Variants in LTAP1 observed in about 807,000 individuals in gnomAD.
LTAP1 encodes the protein HCV NS5A-transactivated protein 4.
At chr1:154,207,408 T>C in the LTAP1 span, 6 of 1,595,480 alleles carry the variant, frequency 3.8e-6, no homozygotes, top group Non-Finnish European at 4.3e-6. Context: ...GTCTTGCACA[T>C]TGCAACTGAC....
chr1:154,215,359 G>A, the LTAP1 span, among the ~76,000 whole-genome samples: 1 of 152,044 alleles, frequency 6.6e-6, no homozygotes, highest in Non-Finnish European at 1.5e-5. Flanking sequence ...AAGGTCAGGA[G>A]ATCGAGACCA....
chr1:154,207,718 C>G, the LTAP1 span: 1 of 1,272,866 alleles, frequency 7.9e-7, no homozygotes, highest in South Asian at 1.4e-5. Context: ...TTATCCCAGG[C>G]CATAAATGCA....
At chr1:154,220,469 G>A in the LTAP1 span, 4 of 1,604,346 alleles carry the variant, frequency 2.5e-6, no homozygotes, top group South Asian at 2.2e-5. Context: ...GGTCAGCCCA[G>A]GCTCCGCCGA....
At chr1:154,207,775 A>G in the LTAP1 span, 6 of 799,528 alleles carry the variant, frequency 7.5e-6, no homozygotes, top group African/African-American at 1.1e-4. Flanking sequence ...CCTATTTTGT[A>G]AACTAGTTAC....
At chr1:154,207,203 T>C in the LTAP1 span, 170,569 of 385,854 alleles carry the variant, frequency 0.44, 39,593 homozygotes, top group South Asian at 0.6. Context: ...GAATAACACC[T>C]GAATGCAAAT....
chr1:154,210,918 C>T, the LTAP1 span, among the ~76,000 whole-genome samples: 1 of 152,188 alleles, frequency 6.6e-6, no homozygotes, highest in Admixed American at 6.6e-5. Flanking sequence ...GACACAAATG[C>T]TCAACAGCTG....
chr1:154,219,848 G>A, the LTAP1 span: 1 of 1,607,234 alleles, frequency 6.2e-7, no homozygotes. Context: ...TGGGGGCATT[G>A]TGTCCCACAG....
At chr1:154,212,613 G>A in the LTAP1 span, 4 of 1,614,104 alleles carry the variant, frequency 2.5e-6, no homozygotes, top group Non-Finnish European at 1.7e-6. Flanking sequence ...CCTTCAGAAT[G>A]AAATGGGATC....
At chr1:154,216,231 C>T in the LTAP1 span, among the ~76,000 whole-genome samples, 2 of 152,188 alleles carry the variant, frequency 1.3e-5, no homozygotes, top group African/African-American at 4.8e-5. Context: ...CACTTCTTCA[C>T]TGTTTTATCG....
At chr1:154,216,827 T>TA in the LTAP1 span, among the ~76,000 whole-genome samples, 1 of 149,566 alleles carries the variant, frequency 6.7e-6, no homozygotes, top group African/African-American at 2.5e-5. Context: ...TTTTAAACTT[T>TA]TTATAGAGAC....
the LTAP1 span, among the ~76,000 whole-genome samples, chr1:154,210,530 T>C: frequency 6.6e-6 from 1 of 151,900 alleles, no homozygotes; most frequent in African/African-American, 2.4e-5. Context: ...TAGGCTGGAG[T>C]GGAATGGCAC....
At chr1:154,216,617 T>C in the LTAP1 span, among the ~76,000 whole-genome samples, 1 of 151,952 alleles carries the variant, frequency 6.6e-6, no homozygotes, top group African/African-American at 2.4e-5. Context: ...GCAATTCTCC[T>C]TGCCCTCCTG....
At chr1:154,219,574 A>T in the LTAP1 span, among the ~76,000 whole-genome samples, 1 of 152,230 alleles carries the variant, frequency 6.6e-6, no homozygotes, top group South Asian at 2.1e-4. Flanking sequence ...ATTTTACTAC[A>T]AACAGTTGGG....
the LTAP1 span, chr1:154,214,467 C>T: frequency 4.3e-6 from 7 of 1,610,718 alleles, no homozygotes; most frequent in Non-Finnish European, 5.9e-6. Context: ...TTTGATTTCC[C>T]TGGGTTTCCA....
At chr1:154,212,149 G>T in the LTAP1 span, 1 of 744,382 alleles carries the variant, frequency 1.3e-6, no homozygotes. Flanking sequence ...GAACCACTGT[G>T]CCCGGCCGCA....
chr1:154,214,435 A>C, the LTAP1 span: 1 of 1,511,614 alleles, frequency 6.6e-7, no homozygotes, highest in Non-Finnish European at 9.2e-7. Flanking sequence ...TCACTGAAGC[A>C]TTCCAAGAGC....
At chr1:154,220,053 G>C in the LTAP1 span, 3 of 996,322 alleles carry the variant, frequency 3.0e-6, no homozygotes, top group Non-Finnish European at 4.4e-6. Flanking sequence ...GAATGTTTCA[G>C]GGTAAAACTT....
At chr1:154,213,866 G>C in the LTAP1 span, 1 of 1,599,382 alleles carries the variant, frequency 6.3e-7, no homozygotes, top group East Asian at 2.2e-5. Context: ...CAGGATCCTA[G>C]AATGGACCCT....
chr1:154,211,049 C>G, the LTAP1 span, among the ~76,000 whole-genome samples: 3 of 151,710 alleles, frequency 2.0e-5, no homozygotes, highest in Middle Eastern at 3.4e-3. Flanking sequence ...TCTTGTCACC[C>G]CAGCTGAAGT....
Sources: gnomAD v4.1 joint callset for allele counts (sites outside exome capture counted in the v4.1 genomes callset) on GRCh38, gnomAD v4.1.1 for gene constraint, MANE v1.5 for transcripts, NCBI Gene and HGNC (gene_info 2026-07-23, HGNC 2026-07-21) for gene names.